The following SPTBN1 variants were observed in gnomAD, a reference collection of about 807,000 sequenced individuals.
SPTBN1 encodes the protein spectrin beta, non-erythrocytic 1.
SPTBN1 carries 32 observed loss-of-function variants against 266.4 expected under a neutral mutation model. That is an observed-to-expected ratio of 0.12 (90% confidence interval 0.09 to 0.16). SPTBN1 has a LOEUF of 0.16. Among genes scored for constraint, SPTBN1 ranks in the 10% least tolerant of loss-of-function variants. SPTBN1 has a pLI of 1.00. For missense variants in SPTBN1, 2,296 were observed against 3,067.1 expected (o/e 0.75, Z 5.94); for synonymous variants, 1,336 against 1,162.2 (o/e 1.15, Z -3.04).
chr2:54,509,736 A>G (rs972361941), intron 1 of SPTBN1, among the ~76,000 whole-genome samples: 16 of 152,164 alleles, frequency 1.1e-4, no homozygotes, highest in African/African-American at 3.9e-4. Context: ...GCCATAACAG[A>G]ATGCCACAGA....
intron 1 of SPTBN1, among the ~76,000 whole-genome samples, chr2:54,486,530 G>T (rs190553911): frequency 1.3e-5 from 2 of 151,998 alleles, no homozygotes; most frequent in African/African-American, 4.8e-5. Flanking sequence ...CAGCATGCTC[G>T]TTAAGAGTCA....
intron 31 of SPTBN1, among the ~76,000 whole-genome samples, 163 bp downstream of exon 31, chr2:54,659,429 C>G (rs989719116): frequency 2.0e-5 from 3 of 152,122 alleles, no homozygotes; most frequent in African/African-American, 7.2e-5. Context: ...CCTAAATAAC[C>G]TTGGAGGGCA....
chr2:54,499,989 T>C (rs941703684), intron 1 of SPTBN1, among the ~76,000 whole-genome samples: 3 of 152,224 alleles, frequency 2.0e-5, no homozygotes, highest in Non-Finnish European at 4.4e-5. Context: ...TAATCAGTAT[T>C]TTTGGCATCT....
rs776571756 is a variant in SPTBN1, at chr2:54,661,627, A to G, written c.6420+1628A>G. 1,397 of 966,836 alleles carry G rather than the reference A, an allele frequency of 1.4e-3. 1 individual carries two copies. The highest frequency in any genetic ancestry group is 1.7e-3 in the Non-Finnish European group (1,356 of 811,824). The allele number at this position is 966,836 out of a possible 1,614,324, so 59.9% of individuals were successfully genotyped here. A position where few individuals can be genotyped will look rare whatever the true frequency, so the allele number is the denominator to read the frequency against. On this transcript the variant is annotated intron_variant, in intron 32 of 35. Coordinates refer to ENST00000356805, the MANE Select transcript of SPTBN1 (RefSeq NM_003128.3). ...AAACACATCAAAATTCATTTTAGACAAAAAAACTTCTGCTTTGTCTTTGGT... is the reference window on the plus strand; with the variant it reads ...AAACACATCAAAATTCATTTTAGACGAAAAAACTTCTGCTTTGTCTTTGGT...
rs942939860 is a variant in SPTBN1 at position 54,490,830 on chromosome 2, CA to C, written c.-48+34313del. ...GGGAGAGTCCCACGCAGGGGAACAGCAGGCAGAAAGCCAGGGAGAGAGAAAA... is the reference window on the plus strand; with the variant it reads ...GGGAGAGTCCCACGCAGGGGAACAGCGGCAGAAAGCCAGGGAGAGAGAAAA... On this transcript the variant is annotated intron_variant, in intron 1 of 35. Transcript: ENST00000356805. 5.6e-4 allele frequency among the ~76,000 whole-genome samples: 85 copies of C among 152,216 alleles called. 2 individuals are homozygous for C. Among genetic ancestry groups the C allele is most frequent in the East Asian group, 3.9e-4 (2 of 5,186 alleles).
At chr2:54,603,246 T>A (rs1676614548) in intron 3 of SPTBN1, among the ~76,000 whole-genome samples, 1 of 147,316 alleles carries the variant, frequency 6.8e-6, no homozygotes, top group Non-Finnish European at 1.5e-5. Flanking sequence ...AAGCTCATAG[T>A]TTGGACTAAG....
At chr2:54,462,921 T>C (rs1693439104) in intron 1 of SPTBN1, among the ~76,000 whole-genome samples, 1 of 152,244 alleles carries the variant, frequency 6.6e-6, no homozygotes, top group Non-Finnish European at 1.5e-5. Flanking sequence ...CGACATGGTG[T>C]TCTAGGCAGT....
intron 1 of SPTBN1, among the ~76,000 whole-genome samples, chr2:54,459,889 T>G (rs1693270912): frequency 1.3e-5 from 2 of 152,248 alleles, no homozygotes; most frequent in African/African-American, 4.8e-5. Flanking sequence ...AGTTTAGTAC[T>G]CTGATTTTTC....
At chr2:54,595,584 C>G (rs1676018510) in intron 2 of SPTBN1, among the ~76,000 whole-genome samples, 1 of 152,258 alleles carries the variant, frequency 6.6e-6, no homozygotes, top group South Asian at 2.1e-4. Flanking sequence ...GCTGCTGCTC[C>G]TCTGCCTTGC....
chr2:54,530,894 G>A (rs961846313), intron 2 of SPTBN1, among the ~76,000 whole-genome samples: 2 of 152,116 alleles, frequency 1.3e-5, no homozygotes, highest in South Asian at 4.1e-4. Context: ...TTTGGGTGGG[G>A]ATAGTCTCCC....
At chr2:54,469,767 T>G (rs954150604) in intron 1 of SPTBN1, among the ~76,000 whole-genome samples, 2 of 151,986 alleles carry the variant, frequency 1.3e-5, no homozygotes, top group African/African-American at 4.8e-5. Context: ...AGGAGATGAG[T>G]TGTGGTCAGA....
chr2:54,525,762 G>T (rs1168651378), intron 1 of SPTBN1, among the ~76,000 whole-genome samples: 1 of 151,808 alleles, frequency 6.6e-6, no homozygotes, highest in Non-Finnish European at 1.5e-5. Context: ...ACGGAGTCTC[G>T]CTCTGTTGCC....
At chr2:54,588,583 GT>G (rs1211581843) in intron 2 of SPTBN1, among the ~76,000 whole-genome samples, 1 of 152,154 alleles carries the variant, frequency 6.6e-6, no homozygotes, top group Non-Finnish European at 1.5e-5. Context: ...AGCCACCTCA[GT>G]TAGTTAGAAA....
intron 18 of SPTBN1, among the ~76,000 whole-genome samples, chr2:54,640,564 T>G (rs576597226): frequency 6.6e-6 from 1 of 152,328 alleles, no homozygotes; most frequent in African/African-American, 2.4e-5. Context: ...TTGTTTTGTT[T>G]TGTTTGAGAC....
At chr2:54,476,169 A>G (rs372195845) in intron 1 of SPTBN1, among the ~76,000 whole-genome samples, 5 of 152,268 alleles carry the variant, frequency 3.3e-5, no homozygotes, top group African/African-American at 1.2e-4. Context: ...TGTCCGTCAC[A>G]TGGTGGCAGG....
At chr2:54,591,061 C>T (rs1401768910) in intron 2 of SPTBN1, among the ~76,000 whole-genome samples, 2 of 152,202 alleles carry the variant, frequency 1.3e-5, no homozygotes, top group Non-Finnish European at 2.9e-5. Flanking sequence ...CAAAATTATT[C>T]TCTTAGCAAC....
Position 54,631,164 on chromosome 2 carries a change from G to C in SPTBN1, c.3117G>C (p.Glu1039Asp), listed in dbSNP as rs1678706703. ...AGGCCATCCTGTCTCGGCTGGCCGA[G>C]ATCAGCGACGTGTGGGAGGAGATGA... ...QAQAILSRLA[E>D]ISDVWEEMKT... is the part of the protein sequence containing the mutation. The change falls in exon 16 of 36, where the codon GAG (glutamate) becomes GAC (aspartate). Residue 1039 changes from glutamate to aspartate, a missense_variant. By Grantham distance (45) the Glu-to-Asp change is conservative. Around this residue, in one of 12 missense-constraint regions of SPTBN1, gnomAD observed 128 missense variants for 176.5 expected, o/e 0.73. Transcript: ENST00000356805. 1.2e-6 allele frequency: 2 copies of C among 1,614,116 alleles called. No individual in the cohort carries two copies. Among genetic ancestry groups the C allele is most frequent in the African/African-American group, 2.7e-5 (2 of 74,956 alleles).
intron 2 of SPTBN1, among the ~76,000 whole-genome samples, chr2:54,550,240 C>T (rs1213564437): frequency 6.6e-6 from 1 of 152,148 alleles, no homozygotes; most frequent in East Asian, 1.9e-4. Context: ...CCTTGGCGCT[C>T]CTGAGTGACT....
chr2:54,465,463 A>G lies in SPTBN1; in HGVS notation c.-48+8945A>G, dbSNP rs183026668. ...AAGTGAACATTTTAAAATAAAAATCACTTCAGATTTAGATTTACTTTCAGT... is the reference window on the plus strand; with the variant it reads ...AAGTGAACATTTTAAAATAAAAATCGCTTCAGATTTAGATTTACTTTCAGT... On this transcript the variant is annotated intron_variant, in intron 1 of 35. Coordinates refer to ENST00000356805, the MANE Select transcript of SPTBN1 (RefSeq NM_003128.3). Among the ~76,000 whole-genome samples the G allele has an allele frequency of 1.7e-3, 257 of 152,234 alleles. 1 individual carries two copies. Among genetic ancestry groups the G allele is most frequent in the Admixed American group, 5.4e-3 (83 of 15,282 alleles).
Sources: allele counts gnomAD v4.1 joint callset (sites outside exome capture counted in the v4.1 genomes callset), GRCh38; gene constraint gnomAD v4.1.1; regional missense constraint gnomAD v4.1.1; transcripts MANE v1.5; gene names NCBI Gene and HGNC (gene_info 2026-07-23, HGNC 2026-07-21).